SMYD3: variants seen among roughly 807,000 people sequenced by gnomAD.
SMYD3 encodes SET and MYND domain containing 3.
SMYD3 carries 36 observed loss-of-function variants against 57.7 expected under a neutral mutation model. The ratio of observed to expected loss-of-function variants is 0.62; its 90% CI spans 0.48 to 0.82. The LOEUF is 0.82. SMYD3 is among the 40% of genes least tolerant of loss of function. The pLI is 0.00. For synonymous variants in SMYD3, 211 were observed against 195.0 expected, an observed-to-expected ratio of 1.08 and a Z score of -0.68; for missense variants, 515 against 538.8, an observed-to-expected ratio of 0.96 and a Z score of 0.44.
intron 11 of SMYD3, 126 bp from the exon 12 acceptor site, chr1:245,749,790 A>T: frequency 1.5e-6 from 1 of 657,658 alleles, no homozygotes. Flanking sequence ...ACAGTCTTTA[A>T]CAGGCTTACA....
At chr1:245,751,564 CAGAG>C (rs2045362778) in intron 11 of SMYD3, among the ~76,000 whole-genome samples, 2 of 138,982 alleles carry the variant, frequency 1.4e-5, no homozygotes, top group Non-Finnish European at 3.1e-5. Context: ...GACAGAGAGA[CAGAG>C]AGAAAGAGAA....
chr1:245,876,947 C>G (rs914777797), intron 8 of SMYD3, among the ~76,000 whole-genome samples: 1 of 151,882 alleles, frequency 6.6e-6, no homozygotes, highest in African/African-American at 2.4e-5. Flanking sequence ...AGCACAGAGG[C>G]AGAGCCCTCT....
At chr1:246,223,003 A>T (rs2063279731) in intron 5 of SMYD3, among the ~76,000 whole-genome samples, 1 of 152,186 alleles carries the variant, frequency 6.6e-6, no homozygotes. Flanking sequence ...TATTTCCTAT[A>T]GCATAAAGAT....
At chr1:246,035,925 A>C (rs538784123) in intron 5 of SMYD3, among the ~76,000 whole-genome samples, 4 of 152,360 alleles carry the variant, frequency 2.6e-5, no homozygotes, top group Admixed American at 2.6e-4. Flanking sequence ...CAACTAAAGC[A>C]TGTACCTGTC....
At chr1:245,947,396 G>C (rs767023790) in intron 5 of SMYD3, 96 of 456,880 alleles carry the variant, frequency 2.1e-4, no homozygotes, top group Non-Finnish European at 2.9e-4. Flanking sequence ...TCCTACCCCG[G>C]TCCTCCTCCA....
At chr1:246,170,284 G>A (rs1451305528) in intron 5 of SMYD3, among the ~76,000 whole-genome samples, 1 of 151,708 alleles carries the variant, frequency 6.6e-6, no homozygotes, top group Non-Finnish European at 1.5e-5. Context: ...TATATATTAT[G>A]TATGAAATAT....
intron 1 of SMYD3, among the ~76,000 whole-genome samples, chr1:246,399,955 T>G (rs1199636591): frequency 6.6e-6 from 1 of 152,198 alleles, no homozygotes; most frequent in African/African-American, 2.4e-5. Context: ...TCCTCAAAAC[T>G]CTGACATTAG....
chr1:245,977,401 A>C (rs1047033317), intron 5 of SMYD3, among the ~76,000 whole-genome samples: 6 of 152,162 alleles, frequency 3.9e-5, no homozygotes, highest in African/African-American at 1.4e-4. Flanking sequence ...AGGAGGGGCC[A>C]CGCACGGTGG....
intron 8 of SMYD3, among the ~76,000 whole-genome samples, chr1:245,871,242 CTT>C (rs1436778581): frequency 6.6e-6 from 1 of 152,196 alleles, no homozygotes; most frequent in African/African-American, 2.4e-5. Flanking sequence ...TTTGCAGTGT[CTT>C]TGACTGAGGT....
chr1:245,953,387 CAT>C (rs1432988118), intron 5 of SMYD3: 22 of 968,170 alleles, frequency 2.3e-5, no homozygotes, highest in Non-Finnish European at 2.5e-5. Context: ...AAAAAGCAAA[CAT>C]AAAGTAAACT....
intron 1 of SMYD3, among the ~76,000 whole-genome samples, chr1:246,390,214 CAAAAAAAAAAA>C (rs56279385): frequency 1.6e-4 from 11 of 66,972 alleles, no homozygotes; most frequent in Non-Finnish European, 1.1e-4. Flanking sequence ...ATTCTGTCTC[CAAAAAAAAAAA>C]AAAAAAAAAA....
rs564722711 is a variant in SMYD3, at chr1:246,173,452, AC to A, written c.531+153748del. ...CTTACTGTAACTTTTTACTTTATAA[AC>A]TTTTTTTAACCTTTTGACTCTTGTA... On this transcript the variant is annotated intron_variant, in intron 5 of 11. Transcript: ENST00000490107. 1.6e-3 allele frequency among the ~76,000 whole-genome samples: 247 copies of A among 152,354 alleles called. 1 individual carries two copies. Among genetic ancestry groups the A allele is most frequent in the African/African-American group, 5.5e-3 (229 of 41,588 alleles).
chr1:245,950,649 T>A (rs1403114644), intron 5 of SMYD3, among the ~76,000 whole-genome samples: 3 of 152,222 alleles, frequency 2.0e-5, no homozygotes, highest in Admixed American at 2.0e-4. Flanking sequence ...TATGCTATCA[T>A]ATGTCACTCA....
intron 5 of SMYD3, among the ~76,000 whole-genome samples, chr1:246,014,779 T>G (rs1465303565): frequency 6.6e-6 from 1 of 152,118 alleles, no homozygotes; most frequent in Non-Finnish European, 1.5e-5. Context: ...CATCCTGAAC[T>G]GAAGAAGCCT....
In SMYD3 at chr1:245,849,797, C is replaced by T. The variant is rs1005493888; in HGVS notation, c.1076+8699G>A. On this transcript the variant is annotated intron_variant, in intron 10 of 11. Transcript: ENST00000490107. ...CCTCCCTGGTGGCTGGGACTACAGG[C>T]ACATGCCACCTCTCCCAGCTAATCT... is the stretch of plus-strand genomic sequence containing the variant. Among the ~76,000 whole-genome samples the T allele has an allele frequency of 1.5e-4, 23 of 152,120 alleles. 1 individual carries two copies. Among genetic ancestry groups the T allele is most frequent in the Admixed American group, 9.2e-4 (14 of 15,282 alleles).
At chr1:246,405,185 C>A (rs1490138239) in intron 1 of SMYD3, among the ~76,000 whole-genome samples, 1 of 152,118 alleles carries the variant, frequency 6.6e-6, no homozygotes, top group Non-Finnish European at 1.5e-5. Context: ...CTCCTGGACT[C>A]AAGTGATCTG....
chr1:246,474,151 T>C (rs1005494023), intron 1 of SMYD3, among the ~76,000 whole-genome samples: 1 of 152,236 alleles, frequency 6.6e-6, no homozygotes, highest in Non-Finnish European at 1.5e-5. Flanking sequence ...TTTCAGCTTT[T>C]ACCTAAACTT....
intron 8 of SMYD3, among the ~76,000 whole-genome samples, chr1:245,864,948 A>G (rs761417150): frequency 3.3e-5 from 5 of 152,196 alleles, no homozygotes; most frequent in Non-Finnish European, 2.9e-5. Flanking sequence ...AATTCAAAAG[A>G]AAATTATGAG....
intron 5 of SMYD3, among the ~76,000 whole-genome samples, chr1:246,033,402 T>A (rs1232296533): frequency 6.6e-6 from 1 of 152,186 alleles, no homozygotes; most frequent in Non-Finnish European, 1.5e-5. Context: ...GGTTGGGATG[T>A]AAGGAAAGTG....
Sources: allele counts gnomAD v4.1 joint callset (sites outside exome capture counted in the v4.1 genomes callset), GRCh38; gene constraint gnomAD v4.1.1; transcripts MANE v1.5; gene names NCBI Gene and HGNC (gene_info 2026-07-23, HGNC 2026-07-21).